The following IGFL2 variants were observed in gnomAD, a reference collection of about 807,000 sequenced individuals.
IGFL2 encodes the protein insulin growth factor-like family member 2.
Under a neutral mutation model 13.9 loss-of-function variants are expected in IGFL2, and 7 were observed. The observed-to-expected ratio is 0.51, with a 90% CI of 0.29 to 0.95. The LOEUF (loss-of-function observed/expected upper bound fraction) is 0.95, where lower values mean the gene tolerates loss of function less well. Among genes scored for constraint, IGFL2 ranks in the 40% least tolerant of loss-of-function variants. The probability of loss-of-function intolerance (pLI) is 0.08; values close to 1 mark genes in which losing one functional copy is unlikely to be tolerated. For missense variants in IGFL2, 138 were observed against 147.8 expected, an observed-to-expected ratio of 0.93 and a Z score of 0.34; for synonymous variants, 55 against 55.8, an observed-to-expected ratio of 0.99 and a Z score of 0.07.
At chr19:46,136,236 G>C in the IGFL2 span, among the ~76,000 whole-genome samples, 1 of 151,728 alleles carries the variant, frequency 6.6e-6, no homozygotes, top group Non-Finnish European at 1.5e-5. Flanking sequence ...TATGTGGTAG[G>C]TTTGGTCTCT....
chr19:46,156,610 A>C (rs554566173), intron 1 of IGFL2, among the ~76,000 whole-genome samples: 5 of 152,346 alleles, frequency 3.3e-5, no homozygotes, highest in Admixed American at 3.3e-4. Context: ...ATGAAAATAC[A>C]ATATATCAAA....
chr19:46,195,646 C>T, the IGFL2 span: 2 of 152,306 alleles, frequency 1.3e-5, no homozygotes, highest in East Asian at 1.9e-4. Flanking sequence ...CTTGCACCCC[C>T]AGGGCCGGGC....
At chr19:46,207,929 T>C in the IGFL2 span, 1 of 152,244 alleles carries the variant, frequency 6.6e-6, no homozygotes, top group Non-Finnish European at 1.5e-5. Flanking sequence ...GGACTCCCAC[T>C]GCAGGGAGGA....
At chr19:46,182,465 A>T in the IGFL2 span, among the ~76,000 whole-genome samples, 1 of 150,420 alleles carries the variant, frequency 6.6e-6, no homozygotes, top group Non-Finnish European at 1.5e-5. Context: ...TACTGTTTAT[A>T]TTGAGATCTT....
the IGFL2 span, among the ~76,000 whole-genome samples, chr19:46,175,152 T>C: frequency 0.09 from 13,775 of 152,250 alleles, 1,419 homozygotes; most frequent in African/African-American, 0.25. Context: ...AAACTAATAA[T>C]GTCTAACACT....
the IGFL2 span, among the ~76,000 whole-genome samples, chr19:46,104,080 G>A: frequency 6.6e-6 from 1 of 152,174 alleles, no homozygotes; most frequent in African/African-American, 2.4e-5. Context: ...ATATGGCTGG[G>A]AATCTGGAGT....
At chr19:46,160,055 CCAATCTTACT>C (rs905002291) in intron 1 of IGFL2, 2 of 296,368 alleles carry the variant, frequency 6.7e-6, no homozygotes, top group Non-Finnish European at 6.4e-6. Context: ...TCTCCACTTG[CCAATCTTACT>C]CAGCTTCCTT....
the IGFL2 span, among the ~76,000 whole-genome samples, chr19:46,184,276 T>C: frequency 6.6e-6 from 1 of 150,932 alleles, no homozygotes; most frequent in South Asian, 2.1e-4. Context: ...TTTTTTTTTC[T>C]TTTTTAATTA....
the IGFL2 span, among the ~76,000 whole-genome samples, chr19:46,166,335 CCAG>C: frequency 6.6e-6 from 1 of 152,098 alleles, no homozygotes; most frequent in African/African-American, 2.4e-5. Context: ...GCCACAAAAA[CCAG>C]CAAGTTTTTA....
the IGFL2 span, among the ~76,000 whole-genome samples, chr19:46,117,366 T>G: frequency 6.6e-6 from 1 of 152,192 alleles, no homozygotes; most frequent in East Asian, 1.9e-4. Context: ...ATTACAGGTG[T>G]GAGTCATTGC....
the IGFL2 span, among the ~76,000 whole-genome samples, chr19:46,093,308 C>A: frequency 6.6e-6 from 1 of 152,166 alleles, no homozygotes; most frequent in African/African-American, 2.4e-5. Flanking sequence ...ACATTAATAT[C>A]TCACTGGAAG....
the IGFL2 span, among the ~76,000 whole-genome samples, chr19:46,097,459 C>T: frequency 1.3e-5 from 2 of 152,028 alleles, no homozygotes; most frequent in Non-Finnish European, 2.9e-5. Context: ...CTTTTCAAAC[C>T]AGCTCCTAGA....
chr19:46,100,495 G>T, the IGFL2 span, among the ~76,000 whole-genome samples: 1 of 152,148 alleles, frequency 6.6e-6, no homozygotes, highest in East Asian at 1.9e-4. Context: ...CATAAAAGGG[G>T]CAGAGGAAAA....
chr19:46,199,218 C>T, the IGFL2 span, among the ~76,000 whole-genome samples: 1 of 152,196 alleles, frequency 6.6e-6, no homozygotes, highest in Non-Finnish European at 1.5e-5. Flanking sequence ...GTCCTCGGAC[C>T]GTGTCTTGCT....
chr19:46,098,760 A>G, the IGFL2 span, among the ~76,000 whole-genome samples: 1 of 152,010 alleles, frequency 6.6e-6, no homozygotes, highest in African/African-American at 2.4e-5. Flanking sequence ...ATTACACAAC[A>G]TGCATGAACC....
chr19:46,118,628 A>G, the IGFL2 span, among the ~76,000 whole-genome samples: 1 of 152,222 alleles, frequency 6.6e-6, no homozygotes, highest in African/African-American at 2.4e-5. Flanking sequence ...GCAGCCTCAG[A>G]TGGGCACCAT....
intron 1 of IGFL2, among the ~76,000 whole-genome samples, chr19:46,157,487 C>G (rs1322033638): frequency 6.6e-6 from 1 of 152,136 alleles, no homozygotes; most frequent in Non-Finnish European, 1.5e-5. Flanking sequence ...AAAAATCACT[C>G]TCAGTGTAAT....
At chr19:46,130,293 C>G in the IGFL2 span, among the ~76,000 whole-genome samples, 1 of 152,068 alleles carries the variant, frequency 6.6e-6, no homozygotes, top group Admixed American at 6.5e-5. Context: ...GGTTCAGGTT[C>G]ACTGTTTATT....
chr19:46,082,815 T>C, the IGFL2 span, among the ~76,000 whole-genome samples: 62 of 151,692 alleles, frequency 4.1e-4, no homozygotes, highest in East Asian at 1.7e-3. Flanking sequence ...TGTAGTCAGT[T>C]AGTCATATGG....
Sources: gnomAD v4.1 joint callset for allele counts (sites outside exome capture counted in the v4.1 genomes callset) on GRCh38, gnomAD v4.1.1 for gene constraint, MANE v1.5 for transcripts, NCBI Gene and HGNC (gene_info 2026-07-23, HGNC 2026-07-21) for gene names.